The following HARBI1 variants were observed in gnomAD, a reference collection of about 807,000 sequenced individuals.
HARBI1 encodes harbinger transposase derived 1.
In HARBI1, 15 loss-of-function variants were observed where a neutral mutation model predicts 25.3. The observed-to-expected ratio is 0.59, with a 90% CI of 0.40 to 0.91. HARBI1 has a LOEUF of 0.91. Ranked by LOEUF, HARBI1 falls within the 40% of genes least tolerant of loss-of-function variation. The pLI is 0.00. For missense variants in HARBI1, 396 were observed against 445.8 expected (o/e 0.89, Z 1.01); for synonymous variants, 168 against 160.5 (o/e 1.05, Z -0.35).
rs774624321 is a variant in HARBI1 at position 46,603,787 on chromosome 11, G to A, written c.793C>T (p.Arg265Ter). The change falls in exon 3 of 3, where the codon CGA becomes TGA. Residue 265 changes from arginine (R) to a stop codon, truncating the protein, a stop_gained. Coordinates refer to ENST00000326737, the MANE Select transcript of HARBI1 (RefSeq NM_173811.4). LOFTEE classifies it high-confidence loss of function. ...CAGCGGAATCGGGAGCAGAGGGTTCGGAAAGTCTTCTCAATCACACTGTGA... is the reference window on the plus strand; with the variant it reads ...CAGCGGAATCGGGAGCAGAGGGTTCAGAAAGTCTTCTCAATCACACTGTGA... ...ATHSVIEKTF[R>*]TLCSRFRCLD... The A allele has an allele frequency of 4.3e-6, 7 of 1,614,032 alleles. No individual in the cohort carries two copies. Among genetic ancestry groups the A allele is most frequent in the African/African-American group, 4.0e-5 (3 of 74,902 alleles).
At chr11:46,616,974 A>T (rs932113452) in intron 1 of HARBI1, 150 bp downstream of exon 1, 2 of 985,284 alleles carry the variant, frequency 2.0e-6, no homozygotes, top group African/African-American at 3.5e-5. Flanking sequence ...GGAAGTACGG[A>T]AGACCAGACA....
chr11:46,615,749 G>C lies in HARBI1; in HGVS notation c.489C>G (p.Leu163=). 1 of 1,614,170 alleles carries C rather than the reference G, an allele frequency of 6.2e-7. No homozygotes were observed. Reference sequence around the variant, plus strand: ...GCAGGCCTTTTCGGTTCACATAGGAGAGGTCTTCAGCATTTGGTGCCTTGA... The same window carrying C: ...GCAGGCCTTTTCGGTTCACATAGGACAGGTCTTCAGCATTTGGTGCCTTGA... ...VAIKAPNAED[L]SYVNRKGLHS... is the part of the protein sequence containing the mutation. Residue 163 remains leucine (L), a synonymous_variant, in exon 2 of 3, where the codon CTC becomes CTG. Transcript: ENST00000326737.
Position 46,603,829 on chromosome 11 carries a change from T to C in HARBI1, c.751A>G (p.Met251Val), listed in dbSNP as rs893851631. 5.6e-6 allele frequency: 9 copies of C among 1,613,988 alleles called. No homozygotes were observed. The highest frequency in any genetic ancestry group is 2.2e-5 in the East Asian group (1 of 44,894). Residue 251 changes from methionine (M) to valine (V), a missense_variant, in exon 3 of 3, where the codon ATG (methionine) becomes GTG (valine). Coordinates refer to ENST00000326737, the MANE Select transcript of HARBI1 (RefSeq NM_173811.4). ...ACACTGTGAGTTGCAGAATGGGCCA[T>C]GTTATAGCGATATTCTGCTGGAGTT... ...PETPAEYRYN[M>V]AHSATHSVIE... is the part of the protein sequence containing the mutation.
rs750559477 is a variant in HARBI1 at position 46,603,857 on chromosome 11, AG to A, written c.722del (p.Pro241LeufsTer19). 4.8e-5 allele frequency: 78 copies of A among 1,613,912 alleles called. No individual in the cohort carries two copies. Among genetic ancestry groups the A allele is most frequent in the Non-Finnish European group, 6.1e-5 (72 of 1,179,950 alleles). On this transcript the variant is annotated frameshift_variant, in exon 3 of 3. Coordinates refer to ENST00000326737, the MANE Select transcript of HARBI1 (RefSeq NM_173811.4). LOFTEE classifies it high-confidence loss of function. ...TATAGCGATATTCTGCTGGAGTTTC[AG>A]GAATGTGAAGTGGGGTCATGAGCCA... Reference protein sequence around the residue: ...RTWLMTPLHIPETPAEYRYNM... With the variant: ...RTWLMTPLHIXETPAEYRYNM...
intron 2 of HARBI1, among the ~76,000 whole-genome samples, chr11:46,609,594 C>T (rs931868096): frequency 2.2e-4 from 34 of 152,218 alleles, no homozygotes; most frequent in African/African-American, 8.2e-4. Flanking sequence ...GATCCACAGA[C>T]GTGAGCCACC....
At position 46,608,048 on chromosome 11, in the gene HARBI1, C is replaced by T. The variant is rs192729323; in HGVS notation, c.671-4139G>A. Among the ~76,000 whole-genome samples, 5 of 152,180 alleles carry T rather than the reference C, an allele frequency of 3.3e-5. No homozygotes were observed. The East Asian group carries it at 9.7e-4, about 29-fold the overall frequency. ...GTGCAGGGCTTCATGCCTGTAATCC[C>T]AGCACTTTGGGAGGCCACAGTGGGT... On this transcript the variant is annotated intron_variant, in intron 2 of 2. Transcript: ENST00000326737.
At chr11:46,610,673 T>C (rs1218810954) in intron 2 of HARBI1, among the ~76,000 whole-genome samples, 1 of 152,024 alleles carries the variant, frequency 6.6e-6, no homozygotes. Context: ...AATAAATAAA[T>C]AAATAAACAT....
chr11:46,611,939 AC>A (rs1280393225), intron 2 of HARBI1, among the ~76,000 whole-genome samples: 1 of 152,222 alleles, frequency 6.6e-6, no homozygotes, highest in African/African-American at 2.4e-5. Flanking sequence ...AAGGTGGTGC[AC>A]TAAAAATAGT....
At position 46,617,212 on chromosome 11, in the gene HARBI1, C is replaced by T. The variant is rs2045616515; in HGVS notation, c.-233G>A. The T allele has an allele frequency of 6.2e-6, 1 of 161,682 alleles. No individual in the cohort carries two copies. Among genetic ancestry groups the T allele is most frequent in the Non-Finnish European group, 1.3e-5 (1 of 76,616 alleles). The allele number at this position is 161,682 out of a possible 1,614,324, so 10.0% of individuals were successfully genotyped here. ...CCGGAACCGGCGACTGCACAGAGGCCGCCACGGCGCGCAACAGCGGCACCG... is the reference window on the plus strand; with the variant it reads ...CCGGAACCGGCGACTGCACAGAGGCTGCCACGGCGCGCAACAGCGGCACCG... On this transcript the variant is annotated 5_prime_UTR_variant, in exon 1 of 3. Transcript: ENST00000326737.
In HARBI1 at chr11:46,608,323, C is replaced by A. The variant is rs536358382; in HGVS notation, c.671-4414G>T. Among the ~76,000 whole-genome samples, 97 of 152,160 alleles carry A rather than the reference C, an allele frequency of 6.4e-4. 2 individuals are homozygous for A. In the South Asian group the frequency reaches 0.02, roughly 31 times the overall value. On this transcript the variant is annotated intron_variant, in intron 2 of 2. Transcript: ENST00000326737. The stretch of plus-strand genomic sequence containing the variant: ...CAAACAACAACAACAACAACAACAA[C>A]AAAAATACAATTAGCCATCTATTCT...
intron 2 of HARBI1, among the ~76,000 whole-genome samples, chr11:46,615,069 C>T (rs913080096): frequency 6.7e-6 from 1 of 150,246 alleles, no homozygotes; most frequent in Non-Finnish European, 1.5e-5. Context: ...TGCGCTACTA[C>T]GCCCGGCTAA....
In HARBI1 at chr11:46,603,704, G is replaced by A; in HGVS notation, c.876C>T (p.Ile292=). ...TGTTGTGGAGGACACAACAGGCCAA[G>A]ATGATATGGCTGGATTTCTCTGGTG... The part of the protein sequence containing the change: ...QYSPEKSSHI[I]LACCVLHNIS... The change falls in exon 3 of 3, where the codon ATC becomes ATT. Residue 292 remains isoleucine, a synonymous_variant. Transcript: ENST00000326737. The A allele has an allele frequency of 2.5e-6, 4 of 1,614,186 alleles. No homozygotes were observed. Among genetic ancestry groups the A allele is most frequent in the Non-Finnish European group, 3.4e-6 (4 of 1,180,016 alleles).
chr11:46,606,625 T>C (rs1464151192), intron 2 of HARBI1, among the ~76,000 whole-genome samples: 3 of 152,116 alleles, frequency 2.0e-5, no homozygotes, highest in African/African-American at 4.8e-5. Context: ...AACTTTATTT[T>C]CAATATTTAT....
intron 2 of HARBI1, among the ~76,000 whole-genome samples, chr11:46,604,977 C>G (rs894827441): frequency 6.6e-6 from 1 of 152,174 alleles, no homozygotes; most frequent in East Asian, 1.9e-4. Context: ...CCTGATCCAA[C>G]AGCACAATGT....
chr11:46,615,489 T>G, intron 2 of HARBI1, 79 bp downstream of exon 2: 2 of 1,179,804 alleles, frequency 1.7e-6, no homozygotes, highest in Middle Eastern at 2.0e-4. Context: ...AGTGCTGGGG[T>G]TGTGTGAGCC....
chr11:46,609,170 C>T (rs567294081), intron 2 of HARBI1, among the ~76,000 whole-genome samples: 22 of 151,978 alleles, frequency 1.4e-4, no homozygotes, highest in African/African-American at 5.1e-4. Context: ...GTGATGTGCC[C>T]GCCTTGGCCT....
At chr11:46,610,369 T>C (rs963343325) in intron 2 of HARBI1, among the ~76,000 whole-genome samples, 4 of 146,816 alleles carry the variant, frequency 2.7e-5, no homozygotes, top group Admixed American at 2.0e-4. Flanking sequence ...ATATATAAAA[T>C]AATAAAAAGG....
intron 1 of HARBI1, chr11:46,616,741 G>C: frequency 1.0e-6 from 1 of 983,006 alleles, no homozygotes; most frequent in Non-Finnish European, 1.2e-6. Context: ...ATTGGTCACG[G>C]GTTTCATTAT....
Position 46,615,229 on chromosome 11 carries a change from T to C in HARBI1, c.670+339A>G, listed in dbSNP as rs149349643. Among the ~76,000 whole-genome samples the C allele has an allele frequency of 6.3e-3, 955 of 151,606 alleles. 10 individuals carry two copies. The highest frequency in any genetic ancestry group is 0.015 in the African/African-American group (632 of 41,314). On this transcript the variant is annotated intron_variant, in intron 2 of 2. Coordinates refer to ENST00000326737, the MANE Select transcript of HARBI1 (RefSeq NM_173811.4). ...TGCGGTCCCTTTTCTTTCTTTCTTT[T>C]TTTTTTTTTGAGATGGAGTTTTTGC...
Sources: gnomAD v4.1 joint callset for allele counts (sites outside exome capture counted in the v4.1 genomes callset) on GRCh38, gnomAD v4.1.1 for gene constraint, MANE v1.5 for transcripts, NCBI Gene and HGNC (gene_info 2026-07-23, HGNC 2026-07-21) for gene names.